The following IMPG1 variants were observed in gnomAD, a reference collection of about 807,000 sequenced individuals.
The protein encoded by IMPG1 is interphotoreceptor matrix proteoglycan of 150 kDa.
Under a neutral mutation model 92.0 loss-of-function variants are expected in IMPG1, and 85 were observed. That is an observed-to-expected ratio of 0.92 (90% CI 0.78 to 1.11). The LOEUF (loss-of-function observed/expected upper bound fraction) is 1.11, where lower values mean the gene tolerates loss of function less well. IMPG1 is among the 50% of genes least tolerant of loss of function. The probability of loss-of-function intolerance (pLI) is 0.00; values close to 1 mark genes in which losing one functional copy is unlikely to be tolerated. For synonymous variants in IMPG1, 367 were observed against 334.1 expected, an observed-to-expected ratio of 1.10 and a Z score of -1.08; for missense variants, 1,022 against 956.0, an observed-to-expected ratio of 1.07 and a Z score of -0.91.
intron 12 of IMPG1, among the ~76,000 whole-genome samples, chr6:75,985,176 G>T (rs1399661699): frequency 6.6e-6 from 1 of 152,156 alleles, no homozygotes; most frequent in East Asian, 1.9e-4. Flanking sequence ...TGATATTTGT[G>T]ATTTTGGTCT....
At chr6:75,983,974 C>T (rs536547561) in intron 12 of IMPG1, among the ~76,000 whole-genome samples, 7 of 152,164 alleles carry the variant, frequency 4.6e-5, no homozygotes, top group African/African-American at 7.2e-5. Context: ...AACTGCTCAA[C>T]GTCATTAATC....
intron 15 of IMPG1, chr6:75,928,490 C>G (rs1781600871): frequency 6.6e-6 from 1 of 152,162 alleles, no homozygotes; most frequent in African/African-American, 2.4e-5. Context: ...CCAGCCCAAC[C>G]CTTCTTTTAA....
chr6:76,034,701 A>T lies in IMPG1; in HGVS notation c.388T>A (p.Cys130Ser), dbSNP rs768948437. ...AAGAGGCAGAAGGTCTCCTGCTGGC[A>T]GATGCTGACCCAGTCCTGATATTCC... is the stretch of plus-strand genomic sequence containing the variant. The part of the protein sequence containing the change: ...TGEYQDWVSI[C>S]QQETFCLFDI... The change falls in exon 3 of 17, where the codon TGC (cysteine) becomes AGC (serine). Residue 130 changes from cysteine to serine, a missense_variant. Around this residue, in one of 3 missense-constraint regions of IMPG1, gnomAD observed 681 missense variants for 583.6 expected, o/e 1.17. Coordinates refer to ENST00000369950, the MANE Select transcript of IMPG1 (RefSeq NM_001563.4). The T allele has an allele frequency of 3.7e-6, 6 of 1,614,038 alleles. No homozygotes were observed. In the African/African-American group the frequency reaches 6.7e-5, roughly 18 times the overall value.
intron 2 of IMPG1, among the ~76,000 whole-genome samples, chr6:76,035,929 A>C (rs1242306531): frequency 6.6e-6 from 1 of 152,254 alleles, no homozygotes; most frequent in Non-Finnish European, 1.5e-5. Flanking sequence ...TCAACAAATT[A>C]AAAGGAGTCC....
chr6:76,043,030 T>C (rs1210067654), intron 1 of IMPG1, among the ~76,000 whole-genome samples: 1 of 152,042 alleles, frequency 6.6e-6, no homozygotes, highest in Non-Finnish European at 1.5e-5. Context: ...GTGTTAACAG[T>C]GTAGTAAGAT....
At chr6:76,071,161 TA>T (rs1342014013) in intron 1 of IMPG1, among the ~76,000 whole-genome samples, 1 of 148,232 alleles carries the variant, frequency 6.7e-6, no homozygotes, top group South Asian at 2.1e-4. Context: ...ATATGACATA[TA>T]ATTGTTATAT....
intron 12 of IMPG1, among the ~76,000 whole-genome samples, chr6:75,976,321 T>G (rs1782531988): frequency 6.6e-6 from 1 of 152,126 alleles, no homozygotes; most frequent in Non-Finnish European, 1.5e-5. Context: ...TCCCAGCACT[T>G]TGGGAGACCA....
intron 12 of IMPG1, among the ~76,000 whole-genome samples, chr6:75,961,346 GA>G (rs2149461768): frequency 6.6e-6 from 1 of 152,088 alleles, no homozygotes; most frequent in South Asian, 2.1e-4. Flanking sequence ...ATAATAACAA[GA>G]AAGTTATTAT....
chr6:76,051,720 T>C (rs888882582), intron 1 of IMPG1, among the ~76,000 whole-genome samples: 1 of 152,200 alleles, frequency 6.6e-6, no homozygotes, highest in Non-Finnish European at 1.5e-5. Flanking sequence ...CTGTCTTTTT[T>C]ACCTCCCAAA....
chr6:76,032,492 T>A (rs141193823), intron 4 of IMPG1, among the ~76,000 whole-genome samples: 1 of 152,174 alleles, frequency 6.6e-6, no homozygotes, highest in African/African-American at 2.4e-5. Context: ...CATAATTGAT[T>A]AACAAAATAT....
intron 7 of IMPG1, among the ~76,000 whole-genome samples, chr6:76,015,763 GCACTC>G (rs1422425556): frequency 8.1e-6 from 1 of 123,234 alleles, no homozygotes; most frequent in Non-Finnish European, 1.6e-5. Flanking sequence ...TGGCACCATT[GCACTC>G]CAGCCTGGGC....
At position 76,019,586 on chromosome 6, in the gene IMPG1, C is replaced by T. The variant is rs370686525; in HGVS notation, c.667-728G>A. Among the ~76,000 whole-genome samples the T allele has an allele frequency of 1.4e-3, 209 of 152,268 alleles. 1 individual carries two copies. The highest frequency in any genetic ancestry group is 4.8e-3 in the African/African-American group (200 of 41,554). ...AACTCCCCTCCACCATGGGCATGGACAATACTACAGCCTCTCTCTAACTTT... is the reference window on the plus strand; with the variant it reads ...AACTCCCCTCCACCATGGGCATGGATAATACTACAGCCTCTCTCTAACTTT... On this transcript the variant is annotated intron_variant, in intron 6 of 16. Coordinates refer to ENST00000369950, the MANE Select transcript of IMPG1 (RefSeq NM_001563.4).
intron 12 of IMPG1, among the ~76,000 whole-genome samples, chr6:75,982,621 GTA>G (rs971178169): frequency 1.7e-4 from 26 of 149,812 alleles, no homozygotes; most frequent in African/African-American, 3.7e-4. Flanking sequence ...ATATGTGTGT[GTA>G]TATATATATG....
chr6:76,006,839 G>C (rs1343565767), intron 9 of IMPG1, among the ~76,000 whole-genome samples: 1 of 151,854 alleles, frequency 6.6e-6, no homozygotes, highest in Non-Finnish European at 1.5e-5. Context: ...CTGTCCTCAG[G>C]AATTAGGTTT....
intron 1 of IMPG1, among the ~76,000 whole-genome samples, chr6:76,054,558 G>T (rs1403298016): frequency 6.6e-6 from 1 of 152,092 alleles, no homozygotes; most frequent in African/African-American, 2.4e-5. Flanking sequence ...ATGGAAAAAA[G>T]TTATAATAGA....
intron 12 of IMPG1, among the ~76,000 whole-genome samples, chr6:75,982,303 G>C (rs940222921): frequency 6.6e-6 from 1 of 151,968 alleles, no homozygotes; most frequent in Admixed American, 6.6e-5. Flanking sequence ...TCCACTTTGG[G>C]AGGCCAAGGT....
At chr6:76,071,482 A>G (rs1351933301) in intron 1 of IMPG1, among the ~76,000 whole-genome samples, 1 of 151,818 alleles carries the variant, frequency 6.6e-6, no homozygotes, top group Non-Finnish European at 1.5e-5. Flanking sequence ...AAACATGAAG[A>G]AATCTTTTCC....
intron 8 of IMPG1, among the ~76,000 whole-genome samples, chr6:76,009,860 A>G (rs1365077454): frequency 6.6e-6 from 1 of 152,184 alleles, no homozygotes; most frequent in East Asian, 1.9e-4. Flanking sequence ...CACCAAAACA[A>G]CTGTTCCCAT....
At chr6:76,065,797 G>T (rs765514590) in intron 1 of IMPG1, among the ~76,000 whole-genome samples, 6 of 152,020 alleles carry the variant, frequency 3.9e-5, no homozygotes, top group Admixed American at 3.3e-4. Flanking sequence ...CAAAATCAGT[G>T]TGAAGAAAAA....
Sources: gnomAD v4.1 joint callset for allele counts (sites outside exome capture counted in the v4.1 genomes callset) on GRCh38, gnomAD v4.1.1 for gene constraint, gnomAD v4.1.1 regional missense constraint, MANE v1.5 for transcripts, NCBI Gene and HGNC (gene_info 2026-07-23, HGNC 2026-07-21) for gene names.